IQSEC1: variants seen among roughly 807,000 people sequenced by gnomAD.
IQSEC1 encodes IQ motif and Sec7 domain ArfGEF 1, also known as IQ motif and SEC7 domain-containing protein 1.
IQSEC1 carries 31 observed loss-of-function variants against 91.0 expected under a neutral mutation model. The ratio of observed to expected loss-of-function variants is 0.34; its 90% CI spans 0.26 to 0.46. The LOEUF is 0.46. Ranked by LOEUF, IQSEC1 falls within the 20% of genes least tolerant of loss-of-function variation. The pLI is 1.00. For synonymous variants in IQSEC1, 699 were observed against 662.6 expected (o/e 1.05, Z -0.84); for missense variants, 1,388 against 1,575.6 (o/e 0.88, Z 2.02).
chr3:13,192,216 T>TATAC (rs1223550146), intron 1 of IQSEC1, among the ~76,000 whole-genome samples: 1 of 151,622 alleles, frequency 6.6e-6, no homozygotes, highest in African/African-American at 2.4e-5. Context: ...CGGGCGCCTG[T>TATAC]AGTCCCAGCT....
At position 13,203,123 on chromosome 3, in the gene IQSEC1, G is replaced by A. The variant is rs965972422; in HGVS notation, c.273-38990C>T. ...GTGGGAAGGACGGAGGAGAGGCCAG[G>A]GTATTCATTCCTGCTGCTCATTCGG... On this transcript the variant is annotated intron_variant, in intron 1 of 15. Coordinates refer to the IQSEC1 transcript ENST00000648114. Among the ~76,000 whole-genome samples, 6 of 151,430 alleles carry A rather than the reference G, an allele frequency of 4.0e-5. No homozygotes were observed. The East Asian group carries it at 9.7e-4, about 24-fold the overall frequency.
At chr3:13,168,019 G>A (rs750784029) in intron 1 of IQSEC1, among the ~76,000 whole-genome samples, 3 of 152,192 alleles carry the variant, frequency 2.0e-5, no homozygotes, top group Non-Finnish European at 4.4e-5. Flanking sequence ...CAGTTTCCAG[G>A]TTTAAGCCTC....
intron 1 of IQSEC1, among the ~76,000 whole-genome samples, chr3:13,191,646 G>GT (rs1441265835): frequency 1.3e-5 from 2 of 152,270 alleles, no homozygotes. Context: ...CCCAAAACTG[G>GT]TTTTTTATCT....
At chr3:13,161,146 G>T (rs1427769272) in intron 2 of IQSEC1, among the ~76,000 whole-genome samples, 1 of 152,164 alleles carries the variant, frequency 6.6e-6, no homozygotes, top group East Asian at 1.9e-4. Flanking sequence ...CAGGAATCAT[G>T]GGCCGCATTT....
At chr3:13,183,174 TAAAC>T (rs60302548) in intron 1 of IQSEC1, among the ~76,000 whole-genome samples, 28,451 of 143,448 alleles carry the variant, frequency 0.2, 3,055 homozygotes, top group South Asian at 0.28. Context: ...CACCAATAAA[TAAAC>T]AAACAAACAA....
chr3:13,078,927 A>T (rs956861172), intron 2 of IQSEC1, among the ~76,000 whole-genome samples: 8 of 152,172 alleles, frequency 5.3e-5, no homozygotes, highest in Admixed American at 6.5e-5. Flanking sequence ...ATTTAAAATA[A>T]TTTTCACTAA....
chr3:13,269,421 G>A (rs1466278482), intron 1 of IQSEC1, among the ~76,000 whole-genome samples: 1 of 152,224 alleles, frequency 6.6e-6, no homozygotes. Flanking sequence ...AATACAGCTT[G>A]GAGTGAGGGG....
intron 1 of IQSEC1, among the ~76,000 whole-genome samples, chr3:12,989,549 G>A (rs570235619): frequency 4.7e-4 from 71 of 152,254 alleles, no homozygotes; most frequent in African/African-American, 1.5e-3. Flanking sequence ...GCTGGAATTC[G>A]AACCCAGCCC....
chr3:13,240,110 G>A (rs893090050), intron 1 of IQSEC1, among the ~76,000 whole-genome samples: 9 of 152,108 alleles, frequency 5.9e-5, no homozygotes, highest in African/African-American at 2.2e-4. Context: ...CGGGTGTGGT[G>A]GTTCATGCCT....
At chr3:13,001,551 C>T (rs1444509909) in intron 1 of IQSEC1, among the ~76,000 whole-genome samples, 1 of 152,210 alleles carries the variant, frequency 6.6e-6, no homozygotes, top group East Asian at 1.9e-4. Flanking sequence ...CAGCCACGAA[C>T]ATCAGGGAGC....
chr3:13,222,049 C>T (rs1694669891), intron 1 of IQSEC1, among the ~76,000 whole-genome samples: 1 of 152,118 alleles, frequency 6.6e-6, no homozygotes, highest in Admixed American at 6.5e-5. Flanking sequence ...ACACATTTAC[C>T]ACCTCATCCA....
At chr3:13,157,090 A>C (rs1481428088) in intron 2 of IQSEC1, among the ~76,000 whole-genome samples, 1 of 152,240 alleles carries the variant, frequency 6.6e-6, no homozygotes, top group Non-Finnish European at 1.5e-5. Flanking sequence ...TCACTGTCCC[A>C]AACACTGGAC....
rs1322247743 is a variant in IQSEC1 at position 13,073,008 on chromosome 3, A to C, written c.7T>G (p.Cys3Gly). ...TATACTCACAAATAGCGTCTTCTGCAAGCCATCCTGTGTGAATCCGTTCTT... is the reference window on the plus strand; with the variant it reads ...TATACTCACAAATAGCGTCTTCTGCCAGCCATCCTGTGTGAATCCGTTCTT... MA[C>G]RRRYFVEGEA... The change falls in exon 1 of 14, where the codon TGC becomes GGC. Residue 3 changes from cysteine (C) to glycine (G), a missense_variant. Around this residue, in one of 2 missense-constraint regions of IQSEC1, gnomAD observed 1,059 missense variants for 1,317.8 expected, o/e 0.80. Transcript: ENST00000613206. 7 of 1,551,628 alleles carry C rather than the reference A, an allele frequency of 4.5e-6. No individual in the cohort carries two copies. The African/African-American group carries it at 9.6e-5, about 21-fold the overall frequency.
intron 1 of IQSEC1, among the ~76,000 whole-genome samples, chr3:13,236,907 C>A (rs1015998913): frequency 1.3e-5 from 2 of 152,002 alleles, no homozygotes; most frequent in Admixed American, 6.6e-5. Context: ...ATGCCCCCCT[C>A]CAGCCAGGTT....
intron 1 of IQSEC1, among the ~76,000 whole-genome samples, chr3:12,958,616 C>T (rs1380735136): frequency 6.6e-6 from 1 of 152,180 alleles, no homozygotes; most frequent in Non-Finnish European, 1.5e-5. Context: ...GTGAGCTGGC[C>T]AAAGAGGAAG....
In IQSEC1 at chr3:12,900,236, G is replaced by A; in HGVS notation, c.*747C>T. The A allele has an allele frequency of 1.0e-6, 1 of 983,962 alleles. No homozygotes were observed. Among genetic ancestry groups the A allele is most frequent in the Non-Finnish European group, 1.2e-6 (1 of 828,660 alleles). 61.0% of individuals were successfully genotyped at this position (983,962 alleles called of 1,614,324 possible). A position where few individuals can be genotyped will look rare whatever the true frequency, so the allele number is the denominator to read the frequency against. Reference sequence around the variant, plus strand: ...TATGTTACTTGGCACAGTTAGTAATGATTGTGTAAAGATTTTAGCCAGTCC... The same window carrying A: ...TATGTTACTTGGCACAGTTAGTAATAATTGTGTAAAGATTTTAGCCAGTCC... On this transcript the variant is annotated 3_prime_UTR_variant, in exon 14 of 14. Transcript: ENST00000613206.
chr3:13,061,542 C>T (rs1705068428), intron 1 of IQSEC1, among the ~76,000 whole-genome samples: 1 of 151,978 alleles, frequency 6.6e-6, no homozygotes, highest in Non-Finnish European at 1.5e-5. Flanking sequence ...CACATGCAGT[C>T]CCCAGCCCCC....
chr3:13,038,658 T>C lies in IQSEC1; in HGVS notation c.23+34334A>G, dbSNP rs141869367. ...CTTAAAAATAATTGAAAGAGTATAA[T>C]TGGATTATTTGTAACTCGAAGGATA... is the stretch of plus-strand genomic sequence containing the variant. On this transcript the variant is annotated intron_variant, in intron 1 of 13. Coordinates refer to ENST00000613206, the MANE Select transcript of IQSEC1 (RefSeq NM_001134382.3). Among the ~76,000 whole-genome samples, 271 of 151,962 alleles carry C rather than the reference T, an allele frequency of 1.8e-3. 1 individual carries two copies. The highest frequency in any genetic ancestry group is 3.4e-3 in the Middle Eastern group (1 of 290).
chr3:13,126,810 G>A (rs1467480672), intron 2 of IQSEC1, among the ~76,000 whole-genome samples: 1 of 152,104 alleles, frequency 6.6e-6, no homozygotes, highest in African/African-American at 2.4e-5. Context: ...GTATTTTGCA[G>A]GGCAAAAGTT....
Sources: gnomAD v4.1 joint callset for allele counts (sites outside exome capture counted in the v4.1 genomes callset) on GRCh38, gnomAD v4.1.1 for gene constraint, gnomAD v4.1.1 regional missense constraint, MANE v1.5 for transcripts, NCBI Gene and HGNC (gene_info 2026-07-23, HGNC 2026-07-21) for gene names.